Variants in ARHGAP42 observed in about 807,000 individuals in gnomAD.
The protein encoded by ARHGAP42 is Rho GTPase activating protein 42.
ARHGAP42 carries 63 observed loss-of-function variants against 125.0 expected under a neutral mutation model. That is an observed-to-expected ratio of 0.50 (90% CI 0.41 to 0.62). ARHGAP42 has a LOEUF of 0.62. Among genes scored for constraint, ARHGAP42 ranks in the 20% least tolerant of loss-of-function variants. The pLI is 0.00. For missense variants in ARHGAP42, 766 were observed against 1,024.2 expected, an observed-to-expected ratio of 0.75 and a Z score of 3.44; for synonymous variants, 339 against 351.0, an observed-to-expected ratio of 0.97 and a Z score of 0.38.
chr11:100,719,292 A>C (rs2120263754), intron 1 of ARHGAP42, among the ~76,000 whole-genome samples: 1 of 152,308 alleles, frequency 6.6e-6, no homozygotes, highest in East Asian at 1.9e-4. Flanking sequence ...ATAACTTTCA[A>C]GTTAGGTGAG....
At chr11:100,802,767 C>T (rs1863889329) in intron 3 of ARHGAP42, among the ~76,000 whole-genome samples, 1 of 152,078 alleles carries the variant, frequency 6.6e-6, no homozygotes, top group Non-Finnish European at 1.5e-5. Flanking sequence ...TGTTCTCCAG[C>T]CCTATGGGTT....
intron 1 of ARHGAP42, among the ~76,000 whole-genome samples, chr11:100,702,062 A>T (rs577893243): frequency 3.2e-4 from 49 of 152,122 alleles, no homozygotes; most frequent in African/African-American, 1.1e-3. Flanking sequence ...AGGTGGGCAG[A>T]TTGCTTGAGC....
chr11:100,882,286 A>G (rs1439179123), intron 4 of ARHGAP42, among the ~76,000 whole-genome samples: 1 of 152,116 alleles, frequency 6.6e-6, no homozygotes, highest in African/African-American at 2.4e-5. Context: ...AATTTTGCTG[A>G]GAGTTTTAAT....
intron 4 of ARHGAP42, among the ~76,000 whole-genome samples, chr11:100,871,375 A>G (rs683072): frequency 0.78 from 118,052 of 151,210 alleles, 46,366 homozygotes; most frequent in East Asian, 0.96. Context: ...TGAAACCCCC[A>G]TCTCTACTAA....
At chr11:100,856,515 C>A (rs1676935205) in intron 3 of ARHGAP42, among the ~76,000 whole-genome samples, 1 of 152,004 alleles carries the variant, frequency 6.6e-6, no homozygotes, top group South Asian at 2.1e-4. Flanking sequence ...CTGGCATTTT[C>A]CATTTTGATC....
In ARHGAP42 at chr11:100,976,095, G is replaced by A. The variant is rs976656384; in HGVS notation, c.1894G>A (p.Gly632Arg). The A allele has an allele frequency of 6.5e-7, 1 of 1,547,008 alleles. No individual in the cohort carries two copies. ...CAGCAGCCCAGACAGCACACCTATGGGGAGCATTGAGTCACTCTCTTCTCA... is the reference window on the plus strand; with the variant it reads ...CAGCAGCCCAGACAGCACACCTATGAGGAGCATTGAGTCACTCTCTTCTCA... ...YSSSPDSTPMGSIESLSSHSS... is the reference protein window; with the variant it reads ...YSSSPDSTPMRSIESLSSHSS... Residue 632 changes from glycine (G) to arginine (R), a missense_variant, in exon 20 of 24, where the codon GGG (glycine) becomes AGG (arginine). Physicochemically the swap from Gly to Arg is moderately radical, Grantham distance 125. Transcript: ENST00000298815.
chr11:100,947,711 A>G (rs512405), intron 10 of ARHGAP42, among the ~76,000 whole-genome samples: 131,635 of 151,838 alleles, frequency 0.87, 57,154 homozygotes, highest in East Asian at 1. Flanking sequence ...ATTATTTGTC[A>G]TTCCAGGTTT....
intron 3 of ARHGAP42, chr11:100,840,786 A>G (rs918741454): frequency 6.6e-6 from 1 of 152,192 alleles, no homozygotes; most frequent in Non-Finnish European, 1.5e-5. Context: ...AGAAGTGTCT[A>G]AAGTTGTTCC....
At chr11:100,729,884 C>T (rs1861927226) in intron 1 of ARHGAP42, among the ~76,000 whole-genome samples, 1 of 144,212 alleles carries the variant, frequency 6.9e-6, no homozygotes, top group Non-Finnish European at 1.5e-5. Context: ...GATCTCGGCT[C>T]ATTGCAACCT....
intron 3 of ARHGAP42, among the ~76,000 whole-genome samples, chr11:100,797,167 G>A (rs571149661): frequency 6.6e-6 from 1 of 152,314 alleles, no homozygotes; most frequent in African/African-American, 2.4e-5. Flanking sequence ...AAGGAAAGAA[G>A]CCATCACTAT....
intron 4 of ARHGAP42, among the ~76,000 whole-genome samples, chr11:100,888,014 C>T (rs4754707): frequency 0.18 from 27,658 of 152,162 alleles, 3,467 homozygotes; most frequent in East Asian, 0.44. Flanking sequence ...TCTAAGAATG[C>T]TCTTTGTTAC....
intron 3 of ARHGAP42, among the ~76,000 whole-genome samples, chr11:100,830,626 G>A (rs573889026): frequency 1.7e-3 from 259 of 152,268 alleles, no homozygotes; most frequent in African/African-American, 5.7e-3. Context: ...AGAAAATAAC[G>A]TCTCAACTCA....
chr11:100,713,605 A>T (rs1861599906), intron 1 of ARHGAP42, among the ~76,000 whole-genome samples: 3 of 152,228 alleles, frequency 2.0e-5, no homozygotes, highest in African/African-American at 7.2e-5. Flanking sequence ...GGAGGGACAT[A>T]CTTAAGCTAA....
rs1472823361 is a variant in ARHGAP42, at chr11:100,993,189, TG to T, written c.*4389del. The T allele has an allele frequency of 6.0e-6, 1 of 167,850 alleles. No individual in the cohort carries two copies. The highest frequency in any genetic ancestry group is 6.5e-5 in the Admixed American group (1 of 15,370). The allele number at this position is 167,850 out of a possible 1,614,324, so 10.4% of individuals were successfully genotyped here. A position where few individuals can be genotyped will look rare whatever the true frequency, so the allele number is the denominator to read the frequency against. ...CATCTTTCATGAGTGTTTCCCATGG[TG>T]TTTTTGCATCCAGAGTTGACAACAA... On this transcript the variant is annotated 3_prime_UTR_variant, in exon 24 of 24. Coordinates refer to ENST00000298815, the MANE Select transcript of ARHGAP42 (RefSeq NM_152432.4).
chr11:100,966,233 G>C (rs1186592471), intron 17 of ARHGAP42, among the ~76,000 whole-genome samples: 1 of 152,052 alleles, frequency 6.6e-6, no homozygotes, highest in African/African-American at 2.4e-5. Flanking sequence ...TTCTAACTTT[G>C]CTGCTAGTTT....
chr11:100,803,261 T>C (rs1863907300), intron 3 of ARHGAP42, among the ~76,000 whole-genome samples: 2 of 151,442 alleles, frequency 1.3e-5, no homozygotes, highest in Admixed American at 6.6e-5. Context: ...TATATCTAAG[T>C]AGGCTTGTTT....
chr11:100,902,973 C>T (rs1019179451), intron 4 of ARHGAP42, among the ~76,000 whole-genome samples: 13 of 152,102 alleles, frequency 8.5e-5, no homozygotes, highest in Non-Finnish European at 1.5e-4. Flanking sequence ...TGGTTTTGGA[C>T]AGCATGAATG....
chr11:100,751,279 G>GTTTTTTTTTTTTT (rs71465331), intron 1 of ARHGAP42, among the ~76,000 whole-genome samples: 1 of 93,480 alleles, frequency 1.1e-5, no homozygotes, highest in African/African-American at 5.0e-5. Context: ...GTGTGTGTGT[G>GTTTTTTTTTTTTT]TTTTTTTTTT....
In ARHGAP42 at chr11:100,933,219, T is replaced by A. The variant is rs1789532707; in HGVS notation, c.661T>A (p.Phe221Ile). 1 of 1,550,838 alleles carries A rather than the reference T, an allele frequency of 6.4e-7. No homozygotes were observed. ...YHEGYELAQEFAPYKQQLQFN... is the reference protein window; with the variant it reads ...YHEGYELAQEIAPYKQQLQFN... ...TGAGGGATATGAACTTGCCCAGGAA[T>A]TTGCACCGTATAAGCAACAGCTGCA... The change falls in exon 7 of 24, where the codon TTT becomes ATT. Residue 221 changes from phenylalanine to isoleucine, a missense_variant. Transcript: ENST00000298815.
Sources: gnomAD v4.1 joint callset for allele counts (sites outside exome capture counted in the v4.1 genomes callset) on GRCh38, gnomAD v4.1.1 for gene constraint, MANE v1.5 for transcripts, NCBI Gene and HGNC (gene_info 2026-07-23, HGNC 2026-07-21) for gene names.